ABCB4: variants seen among roughly 807,000 people sequenced by gnomAD.
ABCB4 encodes ATP binding cassette subfamily B member 4.
In ABCB4, 76 loss-of-function variants were observed where a neutral mutation model predicts 145.7. The observed-to-expected ratio is 0.52, with a 90% CI of 0.43 to 0.63. The LOEUF (loss-of-function observed/expected upper bound fraction) is 0.63, where lower values mean the gene tolerates loss of function less well. ABCB4 is among the 30% of genes least tolerant of loss of function. The probability of loss-of-function intolerance (pLI) is 0.00; values close to 1 mark genes in which losing one functional copy is unlikely to be tolerated. For missense variants in ABCB4, 1,234 were observed against 1,553.1 expected (o/e 0.79, Z 3.45); for synonymous variants, 517 against 566.8 (o/e 0.91, Z 1.25).
chr7:87,393,442 T>C, the ABCB4 span, among the ~76,000 whole-genome samples: 4 of 152,114 alleles, frequency 2.6e-5, no homozygotes, highest in Admixed American at 2.0e-4. Context: ...ATTAATGAGA[T>C]AGAGAAAAGA....
In ABCB4 at chr7:87,407,284, G is replaced by A. The variant is rs45451894; in HGVS notation, c.3279+753C>T. 3.6e-3 allele frequency among the ~76,000 whole-genome samples: 541 copies of A among 152,274 alleles called. 4 individuals carry two copies. Among genetic ancestry groups the A allele is most frequent in the African/African-American group, 0.012 (501 of 41,552 alleles). On this transcript the variant is annotated intron_variant, in intron 25 of 27. Coordinates refer to ENST00000649586, the MANE Select transcript of ABCB4 (RefSeq NM_000443.4). Reference sequence around the variant, plus strand: ...CAGCACACCATATTTACAGAGTTTTGGTGAGCTGGTTTGCCTATGTTACCT... The same window carrying A: ...CAGCACACCATATTTACAGAGTTTTAGTGAGCTGGTTTGCCTATGTTACCT...
At chr7:87,439,900 A>G (rs774737724) in intron 13 of ABCB4, 63 bp from the exon 14 acceptor site, 6 of 1,596,232 alleles carry the variant, frequency 3.8e-6, no homozygotes, top group Non-Finnish European at 5.2e-6. Flanking sequence ...TAGGAATTCT[A>G]TAGAACTACA....
chr7:87,472,993 A>T (rs1382650836), intron 2 of ABCB4, among the ~76,000 whole-genome samples: 2 of 152,238 alleles, frequency 1.3e-5, no homozygotes, highest in African/African-American at 4.8e-5. Context: ...AAAAATCATG[A>T]TTTAAAATTA....
chr7:87,407,084 A>G (rs1275880355), intron 25 of ABCB4, among the ~76,000 whole-genome samples: 1 of 152,154 alleles, frequency 6.6e-6, no homozygotes, highest in Admixed American at 6.5e-5. Context: ...GCTGGCAGTG[A>G]TGGTTTTGTT....
intron 15 of ABCB4, among the ~76,000 whole-genome samples, chr7:87,430,353 A>G (rs562179425): frequency 1.3e-5 from 2 of 152,352 alleles, no homozygotes; most frequent in African/African-American, 4.8e-5. Context: ...GTTGTATCAA[A>G]GCAAATGTAT....
At chr7:87,423,701 A>G in intron 17 of ABCB4, 1 of 606,268 alleles carries the variant, frequency 1.6e-6, no homozygotes, top group Non-Finnish European at 2.9e-6. Context: ...TACATTTTAT[A>G]ATTTCATTAA....
At position 87,402,192 on chromosome 7, in the gene ABCB4, C is replaced by T. The variant is rs752913074; in HGVS notation, c.3744G>A (p.Gly1248=). 7.4e-6 allele frequency: 12 copies of T among 1,613,976 alleles called. No individual in the cohort carries two copies. Among genetic ancestry groups the T allele is most frequent in the Admixed American group, 1.7e-5 (1 of 59,994 alleles). ...NADLIVVFQN[G]RVKEHGTHQQ... ...GATGCGTGCCATGCTCCTTGACTCT[C>T]CCATTCTGAAACACCACTATTAAGT... is the stretch of plus-strand genomic sequence containing the variant. Residue 1248 remains glycine, a synonymous_variant, in exon 28 of 28, where the codon GGG becomes GGA. Coordinates refer to ENST00000649586, the MANE Select transcript of ABCB4 (RefSeq NM_000443.4).
chr7:87,423,870 C>A, intron 17 of ABCB4, 36 bp downstream of exon 17: 2 of 1,613,438 alleles, frequency 1.2e-6, no homozygotes, highest in South Asian at 1.1e-5. Flanking sequence ...ATGAATTGAT[C>A]TAATTCAGGC....
intron 2 of ABCB4, among the ~76,000 whole-genome samples, chr7:87,473,079 T>C (rs1039005274): frequency 6.6e-6 from 1 of 152,240 alleles, no homozygotes; most frequent in Admixed American, 6.5e-5. Context: ...AAAGTACATC[T>C]AGAATTTAAC....
rs558389269 is a variant in ABCB4, at chr7:87,423,923, A to C, written c.2194T>G (p.Phe732Val). 1 of 1,614,132 alleles carries C rather than the reference A, an allele frequency of 6.2e-7. No individual in the cohort carries two copies. Among genetic ancestry groups the C allele is most frequent in the Non-Finnish European group, 8.5e-7 (1 of 1,179,974 alleles). The change falls in exon 17 of 28, where the codon TTC (phenylalanine) becomes GTC (valine). Residue 732 changes from phenylalanine (F) to valine (V), a missense_variant. By Grantham distance (50) the Phe-to-Val change is conservative. Coordinates refer to ENST00000649586, the MANE Select transcript of ABCB4 (RefSeq NM_000443.4). ...AAACTTACCGCTATGATCTCTGAGA[A>C]TATGACTGAAAATGCCGGCTGAAGC... ...GGLQPAFSVI[F>V]SEIIAIFGPG...
the ABCB4 span, among the ~76,000 whole-genome samples, chr7:87,391,281 A>G: frequency 1.1e-4 from 16 of 152,224 alleles, no homozygotes; most frequent in African/African-American, 3.9e-4. Context: ...GTCACTGTCT[A>G]GCCTGCGCTC....
intron 3 of ABCB4, among the ~76,000 whole-genome samples, chr7:87,471,658 C>T (rs1000793308): frequency 1.1e-4 from 16 of 152,240 alleles, no homozygotes; most frequent in African/African-American, 3.9e-4. Flanking sequence ...TTCTTTGCTA[C>T]CAAATAATGG....
intron 12 of ABCB4, among the ~76,000 whole-genome samples, chr7:87,442,812 G>T (rs1424768361): frequency 6.6e-6 from 1 of 152,040 alleles, no homozygotes; most frequent in Admixed American, 6.6e-5. Context: ...CATACCCTAG[G>T]CTATTACTGT....
At position 87,441,592 on chromosome 7, in the gene ABCB4, T is replaced by A. The variant is rs184228171; in HGVS notation, c.1357-1190A>T. Reference sequence around the variant, plus strand: ...CATTATTTTTGTCCTTTTTTTTTTTTAAATTTAGAGACAGAGTTTCATTCT... The same window carrying A: ...CATTATTTTTGTCCTTTTTTTTTTTAAAATTTAGAGACAGAGTTTCATTCT... On this transcript the variant is annotated intron_variant, in intron 12 of 27. Transcript: ENST00000649586. 3.1e-3 allele frequency among the ~76,000 whole-genome samples: 468 copies of A among 151,676 alleles called. 2 individuals are homozygous for A. The highest frequency in any genetic ancestry group is 0.01 in the African/African-American group (425 of 41,404).
downstream of ABCB4, chr7:87,398,494 T>C (rs1257204989): frequency 6.2e-7 from 1 of 1,611,740 alleles, no homozygotes; most frequent in Non-Finnish European, 8.5e-7. Context: ...GCCTTTTGTG[T>C]AATCATTAAT....
downstream of ABCB4, chr7:87,398,438 T>C: frequency 6.8e-7 from 1 of 1,471,574 alleles, no homozygotes; most frequent in Non-Finnish European, 9.4e-7. Flanking sequence ...TGTATGAATA[T>C]CCAGATGAAA....
chr7:87,383,319 A>T, the ABCB4 span, among the ~76,000 whole-genome samples: 17 of 151,916 alleles, frequency 1.1e-4, no homozygotes, highest in African/African-American at 4.1e-4. Context: ...CTTCCACGAG[A>T]TCAATTTTTT....
the ABCB4 span, among the ~76,000 whole-genome samples, chr7:87,371,774 T>G: frequency 2.0e-5 from 3 of 152,028 alleles, no homozygotes; most frequent in Non-Finnish European, 4.4e-5. Flanking sequence ...GAGGATCACT[T>G]AAGGCCAAGA....
At chr7:87,415,700 C>T (rs1179493802) in intron 21 of ABCB4, among the ~76,000 whole-genome samples, 1 of 152,180 alleles carries the variant, frequency 6.6e-6, no homozygotes, top group Non-Finnish European at 1.5e-5. Flanking sequence ...TCCAGCCTCA[C>T]ACACTGTGAA....
Sources: gnomAD v4.1 joint callset for allele counts (sites outside exome capture counted in the v4.1 genomes callset) on GRCh38, gnomAD v4.1.1 for gene constraint, MANE v1.5 for transcripts, NCBI Gene and HGNC (gene_info 2026-07-23, HGNC 2026-07-21) for gene names.